Variants in WASHC2C observed in about 807,000 individuals in gnomAD.
WASHC2C encodes the protein Vaccinia Penetration Factor.
A neutral mutation model predicts 142.2 loss-of-function variants in WASHC2C; 73 were observed. The ratio of observed to expected loss-of-function variants is 0.51; its 90% CI spans 0.43 to 0.62. The LOEUF is 0.62. Ranked by LOEUF, WASHC2C falls within the 20% of genes least tolerant of loss-of-function variation. The pLI, the probability that WASHC2C is intolerant of heterozygous loss-of-function variation, is 0.00. For synonymous variants in WASHC2C, 337 were observed against 565.5 expected, an observed-to-expected ratio of 0.60 and a Z score of 5.73; for missense variants, 969 against 1,531.7, an observed-to-expected ratio of 0.63 and a Z score of 6.13.
intron 17 of WASHC2C, among the ~76,000 whole-genome samples, chr10:45,759,916 T>C (rs1554879440): frequency 6.6e-6 from 1 of 150,666 alleles, no homozygotes; most frequent in Non-Finnish European, 1.5e-5. Context: ...GGACTGTATT[T>C]ACATTTCCTG....
intron 21 of WASHC2C, among the ~76,000 whole-genome samples, chr10:45,775,159 CT>C (rs1470691885): frequency 6.8e-6 from 1 of 146,072 alleles, no homozygotes; most frequent in Non-Finnish European, 1.5e-5. Flanking sequence ...ATTTTTTTTT[CT>C]TCAGACTTTC....
intron 5 of WASHC2C, among the ~76,000 whole-genome samples, chr10:45,742,344 C>T (rs1455160187): frequency 2.4e-4 from 37 of 152,206 alleles, no homozygotes; most frequent in African/African-American, 8.7e-4. Flanking sequence ...GTCGGAGTTT[C>T]GCTCTTGTTG....
chr10:45,751,222 C>A (rs1483233999), intron 10 of WASHC2C, among the ~76,000 whole-genome samples: 2 of 151,240 alleles, frequency 1.3e-5, no homozygotes, highest in Admixed American at 6.6e-5. Flanking sequence ...AGAAAGATAA[C>A]ACAATAATTC....
chr10:45,758,327 C>G (rs2596975), intron 16 of WASHC2C, among the ~76,000 whole-genome samples: 1 of 142,162 alleles, frequency 7.0e-6, no homozygotes, highest in Non-Finnish European at 1.6e-5. Context: ...TGCCATTGCT[C>G]AGTTGATCTC....
At position 45,784,863 on chromosome 10, in the gene WASHC2C, G is replaced by C. The variant is rs550948634; in HGVS notation, c.2650G>C (p.Asp884His). 3.4e-5 allele frequency: 55 copies of C among 1,609,176 alleles called. No homozygotes were observed. The South Asian group carries it at 5.3e-4, about 15-fold the overall frequency. ...TGGGAGCCTGTTTGGGGATGATGAA[G>C]ATGATGATCTTTTCAGCTCTGCCAA... ...SVGSLFGDDE[D>H]DDLFSSAKSQ... The change falls in exon 25 of 31, where the codon GAT (aspartate) becomes CAT (histidine). Residue 884 changes from aspartate (D) to histidine (H), a missense_variant. Coordinates refer to ENST00000623400, the MANE Select transcript of WASHC2C (RefSeq NM_001330074.2).
At chr10:45,745,864 C>T (rs2052753854) in intron 7 of WASHC2C, among the ~76,000 whole-genome samples, 2 of 150,272 alleles carry the variant, frequency 1.3e-5, no homozygotes, top group Non-Finnish European at 1.5e-5. Flanking sequence ...TGGTGCGCTG[C>T]ACCCATTAAC....
intron 21 of WASHC2C, among the ~76,000 whole-genome samples, chr10:45,775,136 G>A (rs1554885965): frequency 2.1e-5 from 3 of 142,872 alleles, no homozygotes; most frequent in Non-Finnish European, 4.6e-5. Flanking sequence ...CCAAGATGCA[G>A]CCATTTTAGA....
intron 19 of WASHC2C, among the ~76,000 whole-genome samples, chr10:45,767,254 C>G (rs1453393230): frequency 1.3e-5 from 2 of 148,782 alleles, no homozygotes; most frequent in Non-Finnish European, 3.0e-5. Context: ...GGGCAACGAG[C>G]GAAACTCCGT....
intron 28 of WASHC2C, among the ~76,000 whole-genome samples, chr10:45,788,130 A>ATTTC (rs1241136569): frequency 2.6e-5 from 4 of 152,174 alleles, no homozygotes; most frequent in Non-Finnish European, 4.4e-5. Context: ...ATTAAGTTTA[A>ATTTC]ATTGGCAACT....
intron 3 of WASHC2C, among the ~76,000 whole-genome samples, chr10:45,730,402 G>C (rs1469411276): frequency 1.3e-3 from 184 of 146,476 alleles, no homozygotes; most frequent in African/African-American, 4.2e-3. Context: ...TGTTTACACA[G>C]AATGTCCATG....
At chr10:45,738,126 G>C in intron 4 of WASHC2C, 81 bp downstream of exon 4, 1 of 1,611,780 alleles carries the variant, frequency 6.2e-7, no homozygotes, top group South Asian at 1.1e-5. Context: ...TGGGAACTGG[G>C]GGATGGTGGG....
At chr10:45,748,971 G>A (rs1189662076) in intron 8 of WASHC2C, among the ~76,000 whole-genome samples, 1 of 152,164 alleles carries the variant, frequency 6.6e-6, no homozygotes. Flanking sequence ...TTGCAGAGGG[G>A]GCGGGGCTTG....
chr10:45,727,451 C>T lies in WASHC2C; in HGVS notation c.38C>T (p.Pro13Leu), dbSNP rs1190158928. The T allele has an allele frequency of 5.0e-6, 8 of 1,611,038 alleles. No homozygotes were observed. Among genetic ancestry groups the T allele is most frequent in the Non-Finnish European group, 6.8e-6 (8 of 1,179,390 alleles). The change falls in exon 2 of 31, where the codon CCG (proline) becomes CTG (leucine). Residue 13 changes from proline (P) to leucine (L), a missense_variant. Coordinates refer to ENST00000623400, the MANE Select transcript of WASHC2C (RefSeq NM_001330074.2). ...NRTTPDQELV[P>L]ASEPVWERPW... is the part of the protein sequence containing the mutation. ...ACGACCCCCGACCAGGAGCTGGTGC[C>T]GGCGTCGGAGCCCGTGTGGGAGCGG...
At position 45,788,986 on chromosome 10, in the gene WASHC2C, A is replaced by C; in HGVS notation, c.3203A>C (p.Gln1068Pro). 6.2e-7 allele frequency: 1 copy of C among 1,612,050 alleles called. No individual in the cohort carries two copies. Among genetic ancestry groups the C allele is most frequent in the Non-Finnish European group, 8.5e-7 (1 of 1,179,858 alleles). Reference protein sequence around the residue: ...DMSVPRGPIAQWADGAISPNG... With the variant: ...DMSVPRGPIAPWADGAISPNG... The stretch of plus-strand genomic sequence containing the variant: ...AGCGTCCCCAGAGGACCCATTGCAC[A>C]GTGGGCTGATGGCGCCATTTCCCCA... Residue 1068 changes from glutamine (Q) to proline (P), a missense_variant, in exon 29 of 31, where the codon CAG becomes CCG. Gln to Pro is a moderately conservative substitution (Grantham distance 76). Coordinates refer to ENST00000623400, the MANE Select transcript of WASHC2C (RefSeq NM_001330074.2).
Position 45,757,031 on chromosome 10 carries a change from C to A in WASHC2C, c.1440C>A (p.Ala480=). Residue 480 remains alanine (A), a synonymous_variant, in exon 16 of 31, where the codon GCC becomes GCA. Transcript: ENST00000623400. The part of the protein sequence containing the change: ...PSKTRKVQST[A]DIFGDEEGDL... ...TTACAGGCAAAGTCCAATCCACTGC[C>A]GATATCTTTGGTGACGAAGAAGGAG... The A allele has an allele frequency of 6.2e-7, 1 of 1,601,392 alleles. No individual in the cohort carries two copies. Among genetic ancestry groups the A allele is most frequent in the Non-Finnish European group, 8.5e-7 (1 of 1,173,736 alleles).
intron 16 of WASHC2C, among the ~76,000 whole-genome samples, chr10:45,758,329 GT>G (rs1486036536): frequency 1.3e-5 from 2 of 152,198 alleles, no homozygotes; most frequent in Admixed American, 6.5e-5. Context: ...CCATTGCTCA[GT>G]TGATCTCTAA....
intron 5 of WASHC2C, among the ~76,000 whole-genome samples, chr10:45,741,578 T>C: frequency 6.6e-6 from 1 of 152,232 alleles, no homozygotes; most frequent in East Asian, 1.9e-4. Context: ...CTTTGCCTTA[T>C]GCTCCATTGG....
At chr10:45,770,728 T>G (rs2056496418) in intron 20 of WASHC2C, among the ~76,000 whole-genome samples, 1 of 152,250 alleles carries the variant, frequency 6.6e-6, no homozygotes, top group Non-Finnish European at 1.5e-5. Context: ...GTCTCTGATT[T>G]AGAATATAGG....
chr10:45,731,332 T>C (rs555244275), intron 3 of WASHC2C, among the ~76,000 whole-genome samples: 1 of 130,378 alleles, frequency 7.7e-6, no homozygotes, highest in South Asian at 2.6e-4. Flanking sequence ...GCAATTCTCC[T>C]GCCCACACCT....
Sources: gnomAD v4.1 joint callset for allele counts (sites outside exome capture counted in the v4.1 genomes callset) on GRCh38, gnomAD v4.1.1 for gene constraint, MANE v1.5 for transcripts, NCBI Gene and HGNC (gene_info 2026-07-23, HGNC 2026-07-21) for gene names.